C20orf203: variants seen among roughly 807,000 people sequenced by gnomAD.
The protein encoded by C20orf203 is uncharacterized protein C20orf203.
In C20orf203, 16 loss-of-function variants were observed where a neutral mutation model predicts 15.9. The ratio of observed to expected loss-of-function variants is 1.01; its 90% CI spans 0.68 to 1.53. C20orf203 has a LOEUF of 1.53. C20orf203 is among the 40% of genes most tolerant of loss of function. The probability of loss-of-function intolerance (pLI) is 0.00; values close to 1 mark genes in which losing one functional copy is unlikely to be tolerated. For synonymous variants in C20orf203, 98 were observed against 97.2 expected, an observed-to-expected ratio of 1.01 and a Z score of -0.05; for missense variants, 263 against 247.5, an observed-to-expected ratio of 1.06 and a Z score of -0.42.
At position 32,640,690 on chromosome 20, in the gene C20orf203, G is replaced by A. The variant is rs1432691938; in HGVS notation, c.*1178-3C>T. On this transcript the variant is annotated splice_polypyrimidine_tract_variant and splice_region_variant and intron_variant, in intron 4 of 5. Transcript: ENST00000608990. ...AGCCTGGGCAAAAGAGCGAGACTCT[G>A]TCTCAAAACAAAAAACAAACAAACA... is the stretch of plus-strand genomic sequence containing the variant. The A allele has an allele frequency of 6.6e-6, 1 of 152,050 alleles. No homozygotes were observed. The highest frequency in any genetic ancestry group is 1.5e-5 in the Non-Finnish European group (1 of 68,056). The allele number at this position is 152,050 out of a possible 1,614,324, so 9.4% of individuals were successfully genotyped here.
intron 1 of C20orf203, among the ~76,000 whole-genome samples, chr20:32,666,847 A>G (rs1983048066): frequency 8.6e-6 from 1 of 116,606 alleles, no homozygotes; most frequent in Admixed American, 8.8e-5. Flanking sequence ...TTTTTTAGAG[A>G]TGGGGTCTTC....
At chr20:32,636,832 T>C (rs1022238665) in intron 5 of C20orf203, among the ~76,000 whole-genome samples, 3 of 152,240 alleles carry the variant, frequency 2.0e-5, no homozygotes, top group Non-Finnish European at 4.4e-5. Context: ...CCATTCATCC[T>C]GGTCTGCCCA....
At chr20:32,647,863 A>G (rs1168633931) in intron 4 of C20orf203, among the ~76,000 whole-genome samples, 1 of 152,056 alleles carries the variant, frequency 6.6e-6, no homozygotes, top group Non-Finnish European at 1.5e-5. Context: ...CCCCAGCCTC[A>G]CCACCCACGG....
At chr20:32,673,264 C>A (rs1983216618) in intron 1 of C20orf203, among the ~76,000 whole-genome samples, 1 of 152,150 alleles carries the variant, frequency 6.6e-6, no homozygotes, top group African/African-American at 2.4e-5. Context: ...GTGAAGAGGC[C>A]CTGTGGCTGC....
At chr20:32,637,904 CTG>C (rs747762121) in intron 5 of C20orf203, among the ~76,000 whole-genome samples, 2 of 151,382 alleles carry the variant, frequency 1.3e-5, no homozygotes, top group Non-Finnish European at 3.0e-5. Context: ...GTGCATGTGC[CTG>C]TGTGTGTGCC....
intron 1 of C20orf203, among the ~76,000 whole-genome samples, chr20:32,653,863 CAGGTGGATCACCTA>C (rs1982696929): frequency 1.3e-5 from 2 of 152,196 alleles, no homozygotes; most frequent in South Asian, 4.2e-4. Context: ...GAGGCCAAGG[CAGGTGGATCACCTA>C]AGGTCAGGAG....
At chr20:32,642,395 T>C (rs1199692396) in intron 4 of C20orf203, among the ~76,000 whole-genome samples, 1 of 152,068 alleles carries the variant, frequency 6.6e-6, no homozygotes. Context: ...AGTATATCTC[T>C]AGGAACGAGT....
intron 1 of C20orf203, among the ~76,000 whole-genome samples, chr20:32,663,629 T>C (rs1392881133): frequency 2.0e-5 from 3 of 152,190 alleles, no homozygotes; most frequent in African/African-American, 7.2e-5. Context: ...TTACAATGAG[T>C]ACAAATTGCA....
intron 1 of C20orf203, among the ~76,000 whole-genome samples, chr20:32,670,877 T>C (rs955417983): frequency 1.3e-5 from 2 of 152,080 alleles, no homozygotes; most frequent in Non-Finnish European, 2.9e-5. Context: ...AGGACTTGAA[T>C]AGGCATCCCT....
At chr20:32,658,912 G>T (rs989079965) in intron 1 of C20orf203, among the ~76,000 whole-genome samples, 16 of 149,340 alleles carry the variant, frequency 1.1e-4, no homozygotes, top group Non-Finnish European at 2.2e-4. Context: ...TTTCGCTCTT[G>T]TTGCCCAGGC....
intron 1 of C20orf203, among the ~76,000 whole-genome samples, chr20:32,660,109 C>T (rs1385173289): frequency 1.3e-5 from 2 of 152,164 alleles, no homozygotes; most frequent in South Asian, 2.1e-4. Flanking sequence ...ATGGGGACTA[C>T]ACCTCTGGGG....
At chr20:32,666,948 T>G (rs1004606307) in intron 1 of C20orf203, among the ~76,000 whole-genome samples, 64 of 150,682 alleles carry the variant, frequency 4.2e-4, no homozygotes, top group African/African-American at 1.5e-3. Context: ...CACGTACAAT[T>G]TGATATATTT....
intron 4 of C20orf203, among the ~76,000 whole-genome samples, chr20:32,642,731 C>A (rs968122716): frequency 6.6e-6 from 1 of 152,030 alleles, no homozygotes; most frequent in Non-Finnish European, 1.5e-5. Flanking sequence ...AGCCTCTGGC[C>A]CCAGAAACTC....
intron 1 of C20orf203, among the ~76,000 whole-genome samples, chr20:32,666,138 AAAAT>A (rs1292960020): frequency 2.1e-5 from 3 of 142,976 alleles, no homozygotes; most frequent in Non-Finnish European, 3.0e-5. Context: ...GTCTCAATAA[AAAAT>A]AAATAAATAA....
intron 1 of C20orf203, among the ~76,000 whole-genome samples, chr20:32,668,634 AT>A (rs1983090955): frequency 6.6e-6 from 1 of 151,798 alleles, no homozygotes; most frequent in Admixed American, 6.6e-5. Context: ...TCAAAAAAAA[AT>A]AAATAAAAAA....
chr20:32,640,308 C>T (rs1397993320), intron 5 of C20orf203, among the ~76,000 whole-genome samples: 1 of 152,102 alleles, frequency 6.6e-6, no homozygotes, highest in East Asian at 1.9e-4. Flanking sequence ...ATATAATTCA[C>T]ATCACATACA....
chr20:32,657,497 A>ACAACAG (rs1051275685), intron 1 of C20orf203: 4 of 151,872 alleles, frequency 2.6e-5, no homozygotes, highest in African/African-American at 9.7e-5. Context: ...CTCCAAAACA[A>ACAACAG]CAACAACAAC....
At chr20:32,657,688 G>C (rs1982796147) in intron 1 of C20orf203, 2 of 152,066 alleles carry the variant, frequency 1.3e-5, no homozygotes, top group South Asian at 2.1e-4. Flanking sequence ...GGCTGGGCAA[G>C]GTTGCTTCTG....
At chr20:32,634,570 C>T (rs578222964) in intron 5 of C20orf203, among the ~76,000 whole-genome samples, 9 of 152,212 alleles carry the variant, frequency 5.9e-5, no homozygotes, top group South Asian at 4.2e-4. Flanking sequence ...TTACGCAGGA[C>T]GGAGGATGTT....
Sources: gnomAD v4.1 joint callset for allele counts (sites outside exome capture counted in the v4.1 genomes callset) on GRCh38, gnomAD v4.1.1 for gene constraint, MANE v1.5 for transcripts, NCBI Gene and HGNC (gene_info 2026-07-23, HGNC 2026-07-21) for gene names.